RIC1: variants seen among roughly 807,000 people sequenced by gnomAD.
RIC1 encodes the protein RIC1 partner of RAB6A GEF complex.
Under a neutral mutation model 169.0 loss-of-function variants are expected in RIC1, and 88 were observed. The observed-to-expected ratio is 0.52, with a 90% CI of 0.44 to 0.62. The LOEUF is 0.62. Among genes scored for constraint, RIC1 ranks in the 20% least tolerant of loss-of-function variants. RIC1 has a pLI of 0.00. For synonymous variants in RIC1, 790 were observed against 601.5 expected, an observed-to-expected ratio of 1.31 and a Z score of -4.59; for missense variants, 1,877 against 1,725.5, an observed-to-expected ratio of 1.09 and a Z score of -1.56.
chr9:5,667,140 C>G (rs1039139496), intron 2 of RIC1, among the ~76,000 whole-genome samples: 1 of 151,954 alleles, frequency 6.6e-6, no homozygotes, highest in African/African-American at 2.4e-5. Flanking sequence ...GCCTGGGGGA[C>G]ATAGCATAAT....
At chr9:5,680,564 T>A (rs973516158) in intron 2 of RIC1, among the ~76,000 whole-genome samples, 1 of 152,180 alleles carries the variant, frequency 6.6e-6, no homozygotes, top group African/African-American at 2.4e-5. Flanking sequence ...CCTGGTTTAG[T>A]CTTGGGAAGG....
chr9:5,697,785 T>G (rs951642383), intron 3 of RIC1, among the ~76,000 whole-genome samples: 1 of 152,226 alleles, frequency 6.6e-6, no homozygotes, highest in African/African-American at 2.4e-5. Context: ...AATGGATTCA[T>G]CCTCATTTAT....
intron 7 of RIC1, among the ~76,000 whole-genome samples, chr9:5,737,754 C>G (rs763104870): frequency 5.3e-5 from 8 of 151,334 alleles, no homozygotes; most frequent in African/African-American, 1.5e-4. Flanking sequence ...GGAAACCTTA[C>G]TGACAATATA....
At chr9:5,751,957 A>G (rs908588259) in intron 12 of RIC1, among the ~76,000 whole-genome samples, 3 of 152,218 alleles carry the variant, frequency 2.0e-5, no homozygotes, top group African/African-American at 7.2e-5. Flanking sequence ...GAGTAAAATG[A>G]AAAATAAATT....
At chr9:5,654,978 T>C (rs1444189978) in intron 1 of RIC1, among the ~76,000 whole-genome samples, 1 of 152,244 alleles carries the variant, frequency 6.6e-6, no homozygotes, top group African/African-American at 2.4e-5. Flanking sequence ...GGAGGATTTT[T>C]GGGTCAATTC....
intron 1 of RIC1, among the ~76,000 whole-genome samples, chr9:5,651,611 T>C (rs1818806570): frequency 6.6e-6 from 1 of 151,130 alleles, no homozygotes; most frequent in Non-Finnish European, 1.5e-5. Flanking sequence ...TCCTTCATTC[T>C]TGAGTGCAGT....
chr9:5,680,309 T>G (rs1370360901), intron 2 of RIC1, among the ~76,000 whole-genome samples: 1 of 152,226 alleles, frequency 6.6e-6, no homozygotes, highest in Non-Finnish European at 1.5e-5. Flanking sequence ...TTTCTTTTTT[T>G]GTTGTGTCTC....
chr9:5,629,332 C>T lies in RIC1; in HGVS notation c.23C>T (p.Pro8Leu). Residue 8 changes from proline to leucine, a missense_variant, in exon 1 of 26, where the codon CCC (proline) becomes CTC (leucine). By Grantham distance (98) the Pro-to-Leu change is moderately conservative (BLOSUM62 -3). Transcript: ENST00000414202. MYFLSGW[P>L]KRLLCPLGSP... ...ACCATGTATTTTCTGAGCGGCTGGC[C>T]CAAGAGGCTGCTGTGCCCTCTGGGG... 1.3e-6 allele frequency: 2 copies of T among 1,530,122 alleles called. No individual in the cohort carries two copies. Among genetic ancestry groups the T allele is most frequent in the Non-Finnish European group, 1.7e-6 (2 of 1,144,738 alleles). The allele number at this position is 1,530,122 out of a possible 1,614,324, so 94.8% of individuals were successfully genotyped here.
intron 2 of RIC1, among the ~76,000 whole-genome samples, chr9:5,674,003 C>T (rs1586921375): frequency 1.3e-5 from 2 of 152,078 alleles, no homozygotes; most frequent in Non-Finnish European, 2.9e-5. Context: ...ACAGATTTAT[C>T]AACTGTGCTC....
At chr9:5,770,312 C>G in intron 23 of RIC1, 34 bp downstream of exon 23, 2 of 1,558,322 alleles carry the variant, frequency 1.3e-6, no homozygotes, top group Non-Finnish European at 1.8e-6. Context: ...CTCTTCAGTT[C>G]CTTTGAAGAA....
intron 1 of RIC1, among the ~76,000 whole-genome samples, chr9:5,653,580 A>ATTTT (rs1554658997): frequency 4.2e-5 from 6 of 142,608 alleles, no homozygotes; most frequent in Non-Finnish European, 9.6e-5. Context: ...GTCTCCATTT[A>ATTTT]TTTTTTTCTT....
chr9:5,744,596 C>G (rs1825273223), intron 10 of RIC1, among the ~76,000 whole-genome samples: 1 of 152,080 alleles, frequency 6.6e-6, no homozygotes, highest in African/African-American at 2.4e-5. Flanking sequence ...TGCACATAGA[C>G]TGAAGCTAAT....
Position 5,763,526 on chromosome 9 carries a change from T to G in RIC1, c.2499T>G (p.Arg833=), listed in dbSNP as rs766876827. The G allele has an allele frequency of 1.9e-6, 3 of 1,614,152 alleles. No individual in the cohort carries two copies. Among genetic ancestry groups the G allele is most frequent in the South Asian group, 2.2e-5 (2 of 91,082 alleles). ...TSQIYLHHIL[R]QLLVRNLGEQ... ...AGATCTACCTCCACCACATTCTACG[T>G]CAACTTCTGGTCAGAAACCTTGGGG... is the stretch of plus-strand genomic sequence containing the variant. The change falls in exon 19 of 26, where the codon CGT becomes CGG. Residue 833 remains arginine, a synonymous_variant. Transcript: ENST00000414202. The surrounding 1 kb of genome is among the most constrained non-coding windows in gnomAD (Gnocchi z 5.2).
Position 5,765,529 on chromosome 9 carries a change from G to T in RIC1, c.2957G>T (p.Gly986Val), listed in dbSNP as rs1378893797. 1 of 1,612,510 alleles carries T rather than the reference G, an allele frequency of 6.2e-7. No individual in the cohort carries two copies. ...ATGATTCGATTTCTTAAAGCCATTG[G>T]CTCTGGAGAATCTGAGACACCTCCA... Reference protein sequence around the residue: ...RHMIRFLKAIGSGESETPPST... With the variant: ...RHMIRFLKAIVSGESETPPST... The change falls in exon 20 of 26, where the codon GGC (glycine) becomes GTC (valine). Residue 986 changes from glycine (G) to valine (V), a missense_variant. Around this residue, in one of 3 missense-constraint regions of RIC1, gnomAD observed 681 missense variants for 582.0 expected, o/e 1.17. Coordinates refer to ENST00000414202, the MANE Select transcript of RIC1 (RefSeq NM_020829.4).
chr9:5,718,167 G>GA (rs1823380967), intron 4 of RIC1, among the ~76,000 whole-genome samples: 1 of 61,008 alleles, frequency 1.6e-5, no homozygotes, highest in East Asian at 9.7e-4. Context: ...AAAAAAAAAA[G>GA]TTCAGTTCTT....
chr9:5,762,740 A>G (rs1319244342), intron 18 of RIC1, 80 bp downstream of exon 18: 1 of 1,492,168 alleles, frequency 6.7e-7, no homozygotes, highest in Non-Finnish European at 9.1e-7. Context: ...AATTTAAGAG[A>G]AGAGTATTTT....
chr9:5,676,862 G>C (rs968449603), intron 2 of RIC1, among the ~76,000 whole-genome samples: 2 of 152,138 alleles, frequency 1.3e-5, no homozygotes, highest in African/African-American at 4.8e-5. Flanking sequence ...ATTTTGTCGT[G>C]AATCAGTAAT....
At position 5,765,427 on chromosome 9, in the gene RIC1, C is replaced by T. The variant is rs919708710; in HGVS notation, c.2855C>T (p.Pro952Leu). The T allele has an allele frequency of 2.8e-5, 45 of 1,613,432 alleles. No homozygotes were observed. Among genetic ancestry groups the T allele is most frequent in the Non-Finnish European group, 3.6e-5 (43 of 1,179,788 alleles). ...TGTTTTTTGTAGAATATGGAAGTCC[C>T]TGCAGTAAGTAGGCAACATGCTACC... ...YLIILQNMEV[P>L]AVSRQHATLL... The change falls in exon 20 of 26, where the codon CCT becomes CTT. Residue 952 changes from proline (P) to leucine (L), a missense_variant. Physicochemically the swap from Pro to Leu is moderately conservative, Grantham distance 98. Around this residue, in one of 3 missense-constraint regions of RIC1, gnomAD observed 681 missense variants for 582.0 expected, o/e 1.17. Coordinates refer to ENST00000414202, the MANE Select transcript of RIC1 (RefSeq NM_020829.4).
intron 1 of RIC1, among the ~76,000 whole-genome samples, chr9:5,641,924 CCTTA>C (rs1474287958): frequency 2.1e-5 from 3 of 144,128 alleles, no homozygotes; most frequent in Non-Finnish European, 3.0e-5. Flanking sequence ...TTGGTCCCTG[CCTTA>C]CTTAGTTCAT....
Sources: gnomAD v4.1 joint callset for allele counts (sites outside exome capture counted in the v4.1 genomes callset) on GRCh38, gnomAD v4.1.1 for gene constraint, gnomAD v4.1.1 regional missense constraint, Gnocchi (gnomAD v3.1) non-coding constraint, MANE v1.5 for transcripts, NCBI Gene and HGNC (gene_info 2026-07-23, HGNC 2026-07-21) for gene names.